Variants in RIMS2 observed in about 807,000 individuals in gnomAD.
RIMS2 encodes the protein regulating synaptic membrane exocytosis protein 2.
RIMS2 carries 59 observed loss-of-function variants against 174.4 expected under a neutral mutation model. The ratio of observed to expected loss-of-function variants is 0.34; its 90% CI spans 0.27 to 0.42. The LOEUF (loss-of-function observed/expected upper bound fraction) is 0.42, where lower values mean the gene tolerates loss of function less well. Ranked by LOEUF, RIMS2 falls within the 10% of genes least tolerant of loss-of-function variation. The probability of loss-of-function intolerance (pLI) is 1.00; values close to 1 mark genes in which losing one functional copy is unlikely to be tolerated. For missense variants in RIMS2, 1,620 were observed against 1,666.3 expected (o/e 0.97, Z 0.48); for synonymous variants, 606 against 572.5 (o/e 1.06, Z -0.84).
At chr8:104,059,893 A>G (rs1268085178) in intron 19 of RIMS2, among the ~76,000 whole-genome samples, 3 of 152,044 alleles carry the variant, frequency 2.0e-5, no homozygotes, top group Non-Finnish European at 4.4e-5. Context: ...CGTATATTGA[A>G]CCAGCCTTGC....
chr8:103,519,884 G>A (rs536246250), intron 1 of RIMS2, among the ~76,000 whole-genome samples: 11 of 151,872 alleles, frequency 7.2e-5, no homozygotes, highest in African/African-American at 2.7e-4. Flanking sequence ...AGAGCTTAGG[G>A]GAATTTCTGT....
Position 103,910,305 on chromosome 8 carries a change from T to TTTTCCC in RIMS2, c.1692+104_1692+105insTTTCCC. On this transcript the variant is annotated intron_variant, in intron 5 of 23. Coordinates refer to ENST00000504942, the Ensembl canonical transcript of RIMS2. Reference sequence around the variant, plus strand: ...CTTTTTTGTATCTTTTTTTTTTTTTTATCCCATACCTGTAGGGGACAGTCA... The same window carrying TTTTCCC: ...CTTTTTTGTATCTTTTTTTTTTTTTTTTTCCCATCCCATACCTGTAGGGGACAGTCA... The TTTTCCC allele has an allele frequency of 1.3e-6, 2 of 1,529,870 alleles. No homozygotes were observed. The highest frequency in any genetic ancestry group is 8.9e-7 in the Non-Finnish European group (1 of 1,129,726). 94.8% of individuals were successfully genotyped at this position (1,529,870 alleles called of 1,614,324 possible).
intron 1 of RIMS2, among the ~76,000 whole-genome samples, chr8:103,581,388 A>G (rs2093611227): frequency 6.6e-6 from 1 of 152,218 alleles, no homozygotes; most frequent in Admixed American, 6.5e-5. Flanking sequence ...TGATCATTTC[A>G]ATAGATGCTG....
chr8:103,647,313 A>G (rs2096357665), intron 1 of RIMS2, among the ~76,000 whole-genome samples: 1 of 151,614 alleles, frequency 6.6e-6, no homozygotes, highest in Admixed American at 6.6e-5. Context: ...TTGTTGTTGT[A>G]TCTGTGCCAG....
At chr8:103,845,366 T>G (rs1225565216) in intron 3 of RIMS2, among the ~76,000 whole-genome samples, 6 of 152,086 alleles carry the variant, frequency 3.9e-5, no homozygotes, top group African/African-American at 1.4e-4. Flanking sequence ...CACCATTAAT[T>G]ACTACTATCC....
chr8:103,816,309 G>A (rs374274308), intron 3 of RIMS2, among the ~76,000 whole-genome samples: 22 of 152,158 alleles, frequency 1.4e-4, no homozygotes, highest in African/African-American at 4.6e-4. Flanking sequence ...GTCCTGTGGC[G>A]GTTTCCTATC....
chr8:103,574,137 G>T (rs867017515), intron 1 of RIMS2, among the ~76,000 whole-genome samples: 13 of 149,374 alleles, frequency 8.7e-5, no homozygotes, highest in Non-Finnish European at 1.5e-4. Flanking sequence ...TCATTCTTTT[G>T]CAAGTTGAAC....
intron 2 of RIMS2, among the ~76,000 whole-genome samples, chr8:103,735,548 A>G (rs1158502263): frequency 6.6e-6 from 1 of 152,076 alleles, no homozygotes; most frequent in Non-Finnish European, 1.5e-5. Flanking sequence ...ATGGTGGATT[A>G]TTCATGTGAT....
rs187572170 is a variant in RIMS2, at chr8:103,719,600, T to A, written c.387+22304T>A. 2.1e-4 allele frequency among the ~76,000 whole-genome samples: 32 copies of A among 152,332 alleles called. 1 individual carries two copies. Among genetic ancestry groups the A allele is most frequent in the Admixed American group, 2.1e-3 (32 of 15,310 alleles). ...TAAATTACTATGAACATGTTGGTCTTAGAGATTGAATTTTTCCTCAGTTAT... is the reference window on the plus strand; with the variant it reads ...TAAATTACTATGAACATGTTGGTCTAAGAGATTGAATTTTTCCTCAGTTAT... On this transcript the variant is annotated intron_variant, in intron 2 of 23. Transcript: ENST00000504942.
At chr8:103,948,924 G>A (rs745544448) in intron 14 of RIMS2, among the ~76,000 whole-genome samples, 18 of 150,572 alleles carry the variant, frequency 1.2e-4, no homozygotes, top group African/African-American at 3.9e-4. Context: ...CCGAGAGTTC[G>A]AGACCAACCT....
chr8:104,202,166 A>G (rs895225150), intron 19 of RIMS2, among the ~76,000 whole-genome samples: 2 of 152,198 alleles, frequency 1.3e-5, no homozygotes, highest in South Asian at 2.1e-4. Flanking sequence ...TTAAGAGATT[A>G]TATAAATAAT....
chr8:104,000,363 G>T (rs1463255565), intron 17 of RIMS2, among the ~76,000 whole-genome samples: 1 of 151,470 alleles, frequency 6.6e-6, no homozygotes, highest in East Asian at 1.9e-4. Flanking sequence ...CATTCTTCTT[G>T]CTAATCATGC....
At chr8:104,051,449 T>G (rs536662564) in intron 19 of RIMS2, among the ~76,000 whole-genome samples, 1 of 152,116 alleles carries the variant, frequency 6.6e-6, no homozygotes, top group Non-Finnish European at 1.5e-5. Context: ...GATAGGCTTG[T>G]TTAGAGTAAA....
At chr8:103,869,145 C>T (rs1406843341) in intron 3 of RIMS2, among the ~76,000 whole-genome samples, 1 of 151,244 alleles carries the variant, frequency 6.6e-6, no homozygotes, top group Non-Finnish European at 1.5e-5. Flanking sequence ...TTGGAGGGAG[C>T]CTGAAGAGCT....
chr8:103,851,752 C>T (rs927848954), intron 3 of RIMS2, among the ~76,000 whole-genome samples: 4 of 150,310 alleles, frequency 2.7e-5, no homozygotes, highest in African/African-American at 9.8e-5. Context: ...TAAATTAAAC[C>T]AAACAAATTA....
chr8:104,144,682 A>AT (rs1181536824), intron 19 of RIMS2, among the ~76,000 whole-genome samples: 1 of 152,178 alleles, frequency 6.6e-6, no homozygotes, highest in Non-Finnish European at 1.5e-5. Context: ...ATACATTTAT[A>AT]TTTTTCCCCT....
intron 1 of RIMS2, among the ~76,000 whole-genome samples, chr8:103,662,211 G>C (rs1449153202): frequency 6.6e-6 from 1 of 152,172 alleles, no homozygotes; most frequent in African/African-American, 2.4e-5. Flanking sequence ...GGTTAGACAA[G>C]CTTCATATAG....
At chr8:103,796,375 A>G (rs1423354156) in intron 3 of RIMS2, among the ~76,000 whole-genome samples, 1 of 152,224 alleles carries the variant, frequency 6.6e-6, no homozygotes, top group East Asian at 1.9e-4. Flanking sequence ...AAAATGTTAT[A>G]AAGTGCTATT....
intron 1 of RIMS2, among the ~76,000 whole-genome samples, chr8:103,638,014 G>T (rs2096128851): frequency 6.6e-6 from 1 of 152,030 alleles, no homozygotes; most frequent in Non-Finnish European, 1.5e-5. Flanking sequence ...ATTCAACTGG[G>T]GTTTTGAAGT....
Sources: gnomAD v4.1 joint callset for allele counts (sites outside exome capture counted in the v4.1 genomes callset) on GRCh38, gnomAD v4.1.1 for gene constraint, MANE v1.5 for transcripts, NCBI Gene and HGNC (gene_info 2026-07-23, HGNC 2026-07-21) for gene names.